RP1: variants seen among roughly 807,000 people sequenced by gnomAD.
The protein encoded by RP1 is RP1 axonemal microtubule associated.
RP1 carries 16 observed loss-of-function variants against 14.8 expected under a neutral mutation model. That is an observed-to-expected ratio of 1.08 (90% confidence interval 0.73 to 1.65). The LOEUF (loss-of-function observed/expected upper bound fraction) is 1.65. Ranked by LOEUF, RP1 falls within the 40% of genes most tolerant of loss-of-function variation. The pLI is 0.00. For synonymous variants in RP1, 876 were observed against 883.6 expected, an observed-to-expected ratio of 0.99 and a Z score of 0.15; for missense variants, 2,631 against 2,535.0, an observed-to-expected ratio of 1.04 and a Z score of -0.81.
intron 19 of RP1, among the ~76,000 whole-genome samples, chr8:54,750,040 C>T (rs541270702): frequency 1.8e-4 from 27 of 152,172 alleles, no homozygotes; most frequent in African/African-American, 5.8e-4. Flanking sequence ...TCGTGGTCAG[C>T]TCTCCCAAGT....
intron 25 of RP1, among the ~76,000 whole-genome samples, chr8:54,841,328 T>C (rs796426792): frequency 2.0e-5 from 3 of 152,312 alleles, no homozygotes; most frequent in African/African-American, 7.2e-5. Flanking sequence ...ACTTTTAAAT[T>C]ATGAAGCTAT....
At chr8:54,632,307 A>G (rs908143588), downstream of RP1, among the ~76,000 whole-genome samples, 13 of 152,262 alleles carry the variant, frequency 8.5e-5, no homozygotes, top group Admixed American at 3.9e-4. Flanking sequence ...GGCATGCAGT[A>G]TGTAGTTTTT....
At position 54,831,334 on chromosome 8, in the gene RP1, T is replaced by A. The variant is rs534360825; in HGVS notation, c.3616-6116T>A. The stretch of plus-strand genomic sequence containing the variant: ...TTGTTTTAGAATTCTTTATATATTC[T>A]GGATATCTCAATCTTGTATTAATTT... On this transcript the variant is annotated intron_variant, in intron 24 of 28. Coordinates refer to the RP1 transcript ENST00000637698. Among the ~76,000 whole-genome samples the A allele has an allele frequency of 3.5e-4, 53 of 151,756 alleles. 2 individuals are homozygous for A. In the South Asian group the frequency reaches 0.011, roughly 30 times the overall value.
At chr8:54,865,723 A>G in intron 27 of RP1, 5 of 408,186 alleles carry the variant, frequency 1.2e-5, no homozygotes, top group East Asian at 7.2e-5. Context: ...ATATTTTTGT[A>G]CCTTGACATG....
At chr8:54,726,106 C>T (rs543870321) in intron 16 of RP1, among the ~76,000 whole-genome samples, 5 of 152,198 alleles carry the variant, frequency 3.3e-5, no homozygotes, top group Admixed American at 1.3e-4. Context: ...TGTTAACTAT[C>T]GTTCGGATTT....
exon 8 of RP1, chr8:54,673,892 T>G (rs929183104): frequency 7.8e-6 from 12 of 1,535,960 alleles, no homozygotes; most frequent in Admixed American, 2.0e-5. Context: ...TGGAGATTTG[T>G]GTAAGATTGT....
rs552387535 is a variant in RP1, at chr8:54,590,234, T to C, written c.-12-30721T>C. Among the ~76,000 whole-genome samples, 69 of 152,254 alleles carry C rather than the reference T, an allele frequency of 4.5e-4. 1 individual carries two copies. The highest frequency in any genetic ancestry group is 8.7e-4 in the Non-Finnish European group (59 of 68,012). ...TTAGTATCACGTATCTCAGAGAACA[T>C]CCTCCTTTGATCTCATAGCCCTCCT... On this transcript the variant is annotated intron_variant, in intron 1 of 22. Coordinates refer to the RP1 transcript ENST00000636932.
At position 54,673,891 on chromosome 8, in the gene RP1, GT is replaced by G; in HGVS notation, c.1366del (p.Cys456ValfsTer4). On this transcript the variant is annotated frameshift_variant, in exon 8 of 23. Coordinates refer to the RP1 transcript ENST00000636932. LOFTEE classifies it high-confidence loss of function. ...TGGAGGCTGTGCACCTTGGAGATTT[GT>G]GTAAGATTGTGATAGGCCATGATGG... The G allele has an allele frequency of 6.5e-7, 1 of 1,535,916 alleles. No homozygotes were observed. Among genetic ancestry groups the G allele is most frequent in the African/African-American group, 1.4e-5 (1 of 73,152 alleles).
At chr8:54,830,917 C>A (rs1811504409) in intron 24 of RP1, among the ~76,000 whole-genome samples, 1 of 152,092 alleles carries the variant, frequency 6.6e-6, no homozygotes, top group Non-Finnish European at 1.5e-5. Context: ...GCCTCTTCAA[C>A]TATTTCTAGA....
chr8:54,801,914 G>A (rs1168415105), intron 24 of RP1, among the ~76,000 whole-genome samples: 1 of 152,020 alleles, frequency 6.6e-6, no homozygotes, highest in Non-Finnish European at 1.5e-5. Flanking sequence ...GTTTTTCTAG[G>A]TTTTTCTTTG....
At chr8:54,696,611 C>A in intron 12 of RP1, 1 of 789,342 alleles carries the variant, frequency 1.3e-6, no homozygotes, top group Non-Finnish European at 2.1e-6. Context: ...TCTCAGATGA[C>A]CAGAAGTGAA....
At position 54,628,705 on chromosome 8, in the gene RP1, G is replaced by A; in HGVS notation, c.4823G>A (p.Ser1608Asn). The change falls in exon 4 of 4, where the codon AGT becomes AAT. Residue 1608 changes from serine to asparagine, a missense_variant. Transcript: ENST00000220676. ...AGTGAGCAGCCATATAAAACATCCA[G>A]TGATGATCCCAATGACAGTGGCGAA... ...SDSEQPYKTS[S>N]DDPNDSGELT... 1 of 1,614,042 alleles carries A rather than the reference G, an allele frequency of 6.2e-7. No individual in the cohort carries two copies.
intron 24 of RP1, among the ~76,000 whole-genome samples, chr8:54,799,303 T>A (rs550077617): frequency 1.3e-5 from 2 of 152,196 alleles, no homozygotes; most frequent in South Asian, 4.1e-4. Context: ...TTTATTGCGA[T>A]CTGTTCTTTA....
intron 1 of RP1, among the ~76,000 whole-genome samples, chr8:54,565,936 CG>C (rs1480403183): frequency 6.6e-6 from 1 of 152,124 alleles, no homozygotes; most frequent in Non-Finnish European, 1.5e-5. Context: ...CCCAGCTCTG[CG>C]GGTGTGCTGG....
chr8:54,626,424 A>C lies in RP1; in HGVS notation c.2542A>C (p.Arg848=). 1 of 1,613,698 alleles carries C rather than the reference A, an allele frequency of 6.2e-7. No individual in the cohort carries two copies. Among genetic ancestry groups the C allele is most frequent in the Non-Finnish European group, 8.5e-7 (1 of 1,179,896 alleles). Residue 848 remains arginine, a synonymous_variant, in exon 4 of 4, where the codon AGA becomes CGA. Transcript: ENST00000220676. ...SQAEVASGYL[R]GMAKKSLVSK... ...AGCAGAAGTGGCATCTGGGTATTTG[A>C]GAGGAATGGCAAAGAAGAGTTTAGT...
chr8:54,786,594 G>A (rs1307766721), intron 24 of RP1, among the ~76,000 whole-genome samples: 1 of 151,982 alleles, frequency 6.6e-6, no homozygotes, highest in Non-Finnish European at 1.5e-5. Context: ...CGTTTTCATT[G>A]AATACATGCT....
At position 54,630,222 on chromosome 8, in the gene RP1, T is replaced by G. The variant is rs1806216203; in HGVS notation, c.6340T>G (p.Ser2114Ala). ...CLLDICQVETSLNISNRNILE... is the reference protein window; with the variant it reads ...CLLDICQVETALNISNRNILE... ...CTTAGATATTTGCCAAGTTGAGACC[T>G]CCTTAAATATTAGCAACAGAAATAT... is the stretch of plus-strand genomic sequence containing the variant. The change falls in exon 4 of 4, where the codon TCC (serine) becomes GCC (alanine). Residue 2114 changes from serine (S) to alanine (A), a missense_variant. By Grantham distance (99) the Ser-to-Ala change is moderately conservative. Transcript: ENST00000220676. 6.2e-7 allele frequency: 1 copy of G among 1,613,674 alleles called. No individual in the cohort carries two copies. The highest frequency in any genetic ancestry group is 8.5e-7 in the Non-Finnish European group (1 of 1,179,934).
chr8:54,658,999 A>G (rs1806819157), intron 6 of RP1, among the ~76,000 whole-genome samples: 1 of 151,620 alleles, frequency 6.6e-6, no homozygotes, highest in Non-Finnish European at 1.5e-5. Context: ...GTAGGCTTGT[A>G]GGCCATTTGT....
chr8:54,627,421 A>C lies in RP1; in HGVS notation c.3539A>C (p.Lys1180Thr). Reference sequence around the variant, plus strand: ...ATCACAGAGGAAGCTGATGACTTGAAAGCTGCTGTTGCCAATTTAGTGGAG... The same window carrying C: ...ATCACAGAGGAAGCTGATGACTTGACAGCTGCTGTTGCCAATTTAGTGGAG... ...IAITEEADDLKAAVANLVEST... is the reference protein window; with the variant it reads ...IAITEEADDLTAAVANLVEST... The change falls in exon 4 of 4, where the codon AAA (lysine) becomes ACA (threonine). Residue 1180 changes from lysine (K) to threonine (T), a missense_variant. Lys to Thr is a moderately conservative substitution (Grantham distance 78, BLOSUM62 -1). Transcript: ENST00000220676. 1 of 1,614,188 alleles carries C rather than the reference A, an allele frequency of 6.2e-7. No individual in the cohort carries two copies. Among genetic ancestry groups the C allele is most frequent in the Non-Finnish European group, 8.5e-7 (1 of 1,179,994 alleles).
Sources: gnomAD v4.1 joint callset for allele counts (sites outside exome capture counted in the v4.1 genomes callset) on GRCh38, gnomAD v4.1.1 for gene constraint, MANE v1.5 for transcripts, NCBI Gene and HGNC (gene_info 2026-07-23, HGNC 2026-07-21) for gene names.